The following PANK1 variants were observed in gnomAD, a reference collection of about 807,000 sequenced individuals.
PANK1 encodes pantothenate kinase 1.
PANK1 carries 18 observed loss-of-function variants against 40.1 expected under a neutral mutation model. The observed-to-expected ratio is 0.45, with a 90% CI of 0.31 to 0.67. PANK1 has a LOEUF of 0.67. Ranked by LOEUF, PANK1 falls within the 30% of genes least tolerant of loss-of-function variation. The pLI is 0.06. For missense variants in PANK1, 457 were observed against 599.6 expected (o/e 0.76, Z 2.48); for synonymous variants, 242 against 237.7 (o/e 1.02, Z -0.17).
intron 2 of PANK1, among the ~76,000 whole-genome samples, chr10:89,603,014 T>C (rs1183277178): frequency 6.6e-6 from 1 of 152,184 alleles, no homozygotes; most frequent in Non-Finnish European, 1.5e-5. Context: ...TTTATCTATA[T>C]ATATCCTAAT....
chr10:89,613,495 C>G (rs1845224112), intron 1 of PANK1, among the ~76,000 whole-genome samples: 1 of 152,178 alleles, frequency 6.6e-6, no homozygotes. Flanking sequence ...ACAAAATCTT[C>G]TTTCCTCTGC....
At chr10:89,640,392 T>TACACACACAC (rs34655029) in intron 1 of PANK1, among the ~76,000 whole-genome samples, 7 of 150,066 alleles carry the variant, frequency 4.7e-5, no homozygotes, top group Admixed American at 2.7e-4. Flanking sequence ...AAGGAGAGAA[T>TACACACACAC]ACACACACAC....
rs947977141 is a variant in PANK1, at chr10:89,645,099, C to T, written c.-208G>A. On this transcript the variant is annotated 5_prime_UTR_variant, in exon 1 of 7. Coordinates refer to ENST00000307534, the MANE Select transcript of PANK1 (RefSeq NM_148977.3). ...CTGCGCCCTGCCCCCCGCGCGCCGG[C>T]CCCACGGCGCCGGCCTGGAGCACGC... 1 of 1,469,308 alleles carries T rather than the reference C, an allele frequency of 6.8e-7. No homozygotes were observed. The highest frequency in any genetic ancestry group is 2.9e-5 in the Admixed American group (1 of 34,472). The allele number at this position is 1,469,308 out of a possible 1,614,324, so 91.0% of individuals were successfully genotyped here. A position where few individuals can be genotyped will look rare whatever the true frequency, so the allele number is the denominator to read the frequency against.
downstream of PANK1, chr10:89,579,626 A>G (rs1844017687): frequency 6.6e-6 from 1 of 152,188 alleles, no homozygotes; most frequent in South Asian, 2.1e-4. Flanking sequence ...GAATGAAAGC[A>G]AGGTGAGCCC....
intron 3 of PANK1, among the ~76,000 whole-genome samples, chr10:89,595,744 C>G (rs925057564): frequency 7.2e-6 from 1 of 138,256 alleles, no homozygotes; most frequent in Non-Finnish European, 1.5e-5. Flanking sequence ...TACTTGTACC[C>G]TGGTGGAGGC....
chr10:89,625,130 G>A (rs538613102), intron 1 of PANK1, among the ~76,000 whole-genome samples: 1 of 152,276 alleles, frequency 6.6e-6, no homozygotes, highest in African/African-American at 2.4e-5. Context: ...TTGAACTCCT[G>A]GGCTCAAGAG....
At chr10:89,614,032 A>C in intron 1 of PANK1, 1 of 456,690 alleles carries the variant, frequency 2.2e-6, no homozygotes, top group Non-Finnish European at 4.4e-6. Flanking sequence ...TTCCTTAAGA[A>C]ATACAAAAGA....
intron 5 of PANK1, chr10:89,592,955 T>C (rs956314053): frequency 9.2e-6 from 5 of 545,212 alleles, no homozygotes; most frequent in African/African-American, 1.9e-5. Context: ...TGGGTTGTAA[T>C]TGTATCCTGT....
At chr10:89,635,829 A>G (rs1302704059) in intron 1 of PANK1, among the ~76,000 whole-genome samples, 1 of 152,214 alleles carries the variant, frequency 6.6e-6, no homozygotes, top group African/African-American at 2.4e-5. Context: ...CCCATTCCAA[A>G]AGACACAAAT....
chr10:89,581,508 T>G (rs1844050112), downstream of PANK1: 1 of 150,856 alleles, frequency 6.6e-6, no homozygotes, highest in Non-Finnish European at 1.5e-5. Context: ...AAGCTCTGCC[T>G]CCCAGGTTCA....
At chr10:89,632,346 AG>A (rs1477902601) in intron 1 of PANK1, among the ~76,000 whole-genome samples, 1 of 152,174 alleles carries the variant, frequency 6.6e-6, no homozygotes, top group Non-Finnish European at 1.5e-5. Context: ...CCCTTTAGCT[AG>A]GACAAACTTC....
chr10:89,590,422 A>C (rs1220160772), intron 5 of PANK1, among the ~76,000 whole-genome samples: 1 of 152,188 alleles, frequency 6.6e-6, no homozygotes, highest in Non-Finnish European at 1.5e-5. Flanking sequence ...CTCTGTGGAG[A>C]AACTTGTACC....
In PANK1 at chr10:89,604,899, T is replaced by C. The variant is rs564032428; in HGVS notation, c.646-5394A>G. 4.5e-3 allele frequency among the ~76,000 whole-genome samples: 681 copies of C among 151,702 alleles called. 4 individuals carry two copies. Among genetic ancestry groups the C allele is most frequent in the East Asian group, 7.4e-3 (38 of 5,114 alleles). ...CCGAGTAGCTGGGACTACAGGTGCC[T>C]GCCACCACACCTGGCTATTTTTTTG... On this transcript the variant is annotated intron_variant, in intron 2 of 6. Coordinates refer to ENST00000307534, the MANE Select transcript of PANK1 (RefSeq NM_148977.3).
At chr10:89,594,356 T>A (rs1056195656) in intron 3 of PANK1, among the ~76,000 whole-genome samples, 2 of 152,106 alleles carry the variant, frequency 1.3e-5, no homozygotes, top group African/African-American at 4.8e-5. Context: ...AAGCAGCAAA[T>A]AACCAAGAAA....
At chr10:89,620,072 G>A (rs892514577) in intron 1 of PANK1, among the ~76,000 whole-genome samples, 29 of 110,138 alleles carry the variant, frequency 2.6e-4, no homozygotes, top group African/African-American at 7.2e-4. Context: ...TTTCCTATGC[G>A]TCTTTAATCT....
intron 1 of PANK1, among the ~76,000 whole-genome samples, chr10:89,621,353 C>T (rs11185808): frequency 0.15 from 23,074 of 151,892 alleles, 2,204 homozygotes; most frequent in East Asian, 0.46. Flanking sequence ...TGAATTATCT[C>T]TTTAAAAATT....
chr10:89,633,383 A>G (rs547998619), intron 1 of PANK1, among the ~76,000 whole-genome samples: 1 of 152,258 alleles, frequency 6.6e-6, no homozygotes, highest in Non-Finnish European at 1.5e-5. Context: ...CAAAGAATAA[A>G]TCACTTTGGG....
chr10:89,645,211 A>G lies in PANK1; in HGVS notation c.-320T>C. Reference sequence around the variant, plus strand: ...CTTCCCCTGATCCCCAGGCCGCGCGACTTCAAACGCGGCTTCCTCGCCTCC... The same window carrying G: ...CTTCCCCTGATCCCCAGGCCGCGCGGCTTCAAACGCGGCTTCCTCGCCTCC... On this transcript the variant is annotated 5_prime_UTR_variant, in exon 1 of 7. Transcript: ENST00000307534. The G allele has an allele frequency of 6.3e-7, 1 of 1,598,100 alleles. No individual in the cohort carries two copies. Among genetic ancestry groups the G allele is most frequent in the African/African-American group, 1.4e-5 (1 of 73,042 alleles).
chr10:89,628,010 T>C (rs770115443), intron 1 of PANK1, among the ~76,000 whole-genome samples: 15 of 152,212 alleles, frequency 9.9e-5, no homozygotes, highest in Non-Finnish European at 1.9e-4. Context: ...CTAAGATGGT[T>C]ACAAGTTTTA....
Sources: gnomAD v4.1 joint callset for allele counts (sites outside exome capture counted in the v4.1 genomes callset) on GRCh38, gnomAD v4.1.1 for gene constraint, MANE v1.5 for transcripts, NCBI Gene and HGNC (gene_info 2026-07-23, HGNC 2026-07-21) for gene names.